Variants in RPRD1A observed in about 807,000 individuals in gnomAD.
RPRD1A encodes regulation of nuclear pre-mRNA domain containing 1A.
In RPRD1A, 9 loss-of-function variants were observed where a neutral mutation model predicts 37.8. That is an observed-to-expected ratio of 0.24 (90% CI 0.14 to 0.42). The LOEUF (loss-of-function observed/expected upper bound fraction) is 0.42, where lower values mean the gene tolerates loss of function less well. RPRD1A is among the 10% of genes least tolerant of loss of function. The pLI, the probability that RPRD1A is intolerant of heterozygous loss-of-function variation, is 1.00. For missense variants in RPRD1A, 255 were observed against 371.0 expected (o/e 0.69, Z 2.57); for synonymous variants, 138 against 139.7 (o/e 0.99, Z 0.08).
chr18:36,005,599 C>T (rs1044623187), intron 6 of RPRD1A, among the ~76,000 whole-genome samples: 3 of 152,214 alleles, frequency 2.0e-5, no homozygotes, highest in South Asian at 2.1e-4. Flanking sequence ...GACAGAAATA[C>T]GGAAAAAGTT....
At chr18:36,065,178 A>G (rs1214524972) in intron 1 of RPRD1A, among the ~76,000 whole-genome samples, 3 of 152,346 alleles carry the variant, frequency 2.0e-5, no homozygotes, top group Non-Finnish European at 2.9e-5. Context: ...TGGACACACT[A>G]TGACAACCAC....
intron 6 of RPRD1A, among the ~76,000 whole-genome samples, chr18:36,002,386 C>T (rs535619830): frequency 2.0e-5 from 3 of 152,208 alleles, no homozygotes; most frequent in Admixed American, 6.5e-5. Context: ...CTTGGCAGTG[C>T]CCAGTCTGCT....
chr18:36,062,460 C>T (rs1262563591), intron 1 of RPRD1A, among the ~76,000 whole-genome samples: 1 of 150,790 alleles, frequency 6.6e-6, no homozygotes, highest in Non-Finnish European at 1.5e-5. Context: ...GAAAACATAT[C>T]CACAAAAAAA....
In RPRD1A at chr18:36,052,397, T is replaced by C. The variant is rs536253027; in HGVS notation, c.151+14857A>G. ...CAATAAAGGTAACTCCCTAAGTAAA[T>C]ATAAAAGCCAATATTGTTGTATTTT... On this transcript the variant is annotated intron_variant, in intron 1 of 6. Coordinates refer to ENST00000399022, the MANE Select transcript of RPRD1A (RefSeq NM_018170.5). Among the ~76,000 whole-genome samples, 37 of 151,962 alleles carry C rather than the reference T, an allele frequency of 2.4e-4. No individual in the cohort carries two copies. The South Asian group carries it at 7.1e-3, about 29-fold the overall frequency.
chr18:36,030,809 T>C lies in RPRD1A; in HGVS notation c.485A>G (p.Gln162Arg), dbSNP rs1911722593. Reference protein sequence around the residue: ...SSLGSPSEPPQTLDLVRALQD... With the variant: ...SSLGSPSEPPRTLDLVRALQD... ...CTTTTAACAGGGTAAAATTTCTACC[T>C]GTGGTGGTTCACTTGGAGATCCCAG... is the stretch of plus-strand genomic sequence containing the variant. Residue 162 changes from glutamine to arginine, a missense_variant and splice_region_variant, in exon 4 of 7, where the codon CAG (glutamine) becomes CGG (arginine). This residue lies in a region of RPRD1A where 211 missense variants were observed against 268.9 expected (regional missense o/e 0.78). Coordinates refer to ENST00000399022, the MANE Select transcript of RPRD1A (RefSeq NM_018170.5). 1 of 1,595,624 alleles carries C rather than the reference T, an allele frequency of 6.3e-7. No homozygotes were observed. The highest frequency in any genetic ancestry group is 1.3e-5 in the African/African-American group (1 of 74,432).
At chr18:36,009,943 A>C (rs953113515) in intron 6 of RPRD1A, among the ~76,000 whole-genome samples, 1 of 152,058 alleles carries the variant, frequency 6.6e-6, no homozygotes, top group African/African-American at 2.4e-5. Flanking sequence ...CCCCCATTTC[A>C]TTCCCGTCTC....
intron 4 of RPRD1A, chr18:36,028,133 TCTTA>T (rs1198558725): frequency 6.6e-6 from 1 of 152,110 alleles, no homozygotes; most frequent in Non-Finnish European, 1.5e-5. Flanking sequence ...CATCTTTCTT[TCTTA>T]ATTTCTAATA....
At chr18:36,047,595 G>A (rs889857588) in intron 1 of RPRD1A, among the ~76,000 whole-genome samples, 4 of 152,062 alleles carry the variant, frequency 2.6e-5, no homozygotes, top group African/African-American at 7.2e-5. Context: ...GAATGACAAA[G>A]AAACAAGAGG....
intron 6 of RPRD1A, among the ~76,000 whole-genome samples, chr18:35,996,428 C>T (rs548589902): frequency 2.6e-5 from 4 of 152,212 alleles, no homozygotes; most frequent in East Asian, 1.9e-4. Flanking sequence ...GAAGATAACA[C>T]GCTGGTTTCC....
At chr18:36,026,788 A>G in intron 6 of RPRD1A, 112 bp downstream of exon 6, 1 of 889,060 alleles carries the variant, frequency 1.1e-6, no homozygotes, top group Non-Finnish European at 1.6e-6. Flanking sequence ...CTACTGCTTA[A>G]AAAGGTCTAT....
At chr18:36,061,721 A>G in intron 1 of RPRD1A, among the ~76,000 whole-genome samples, 1 of 152,252 alleles carries the variant, frequency 6.6e-6, no homozygotes. Flanking sequence ...CACTGAATGG[A>G]AGAAAATATT....
rs1270118498 is a variant in RPRD1A, at chr18:35,993,059, TCAA to T, written c.*89_*91del. On this transcript the variant is annotated 3_prime_UTR_variant, in exon 7 of 7. Coordinates refer to ENST00000399022, the MANE Select transcript of RPRD1A (RefSeq NM_018170.5). ...TGTTCCTTTTGTTAGTGTTTCTTTC[TCAA>T]CAATATACAAAAATAACACTACAGG... 2.7e-6 allele frequency: 3 copies of T among 1,099,252 alleles called. No individual in the cohort carries two copies. The highest frequency in any genetic ancestry group is 2.7e-5 in the East Asian group (1 of 36,992). 68.1% of individuals were successfully genotyped at this position (1,099,252 alleles called of 1,614,324 possible). A position where few individuals can be genotyped will look rare whatever the true frequency, so the allele number is the denominator to read the frequency against.
rs1455000135 is a variant in RPRD1A at position 35,991,537 on chromosome 18, T to A, written c.*1614A>T. On this transcript the variant is annotated 3_prime_UTR_variant, in exon 7 of 7. Transcript: ENST00000399022. ...ACATTCATGGTTAGGTGGATTCAGT[T>A]CCCAGGTGAGCTATCAGCGGTAGTG... is the stretch of plus-strand genomic sequence containing the variant. 1.3e-5 allele frequency: 2 copies of A among 152,198 alleles called. No individual in the cohort carries two copies. Among genetic ancestry groups the A allele is most frequent in the African/African-American group, 2.4e-5 (1 of 41,428 alleles). 9.4% of individuals were successfully genotyped at this position (152,198 alleles called of 1,614,324 possible).
At chr18:35,998,282 T>C (rs1054414195) in intron 6 of RPRD1A, among the ~76,000 whole-genome samples, 2 of 152,020 alleles carry the variant, frequency 1.3e-5, no homozygotes, top group Admixed American at 1.3e-4. Flanking sequence ...AACTTGAACC[T>C]GGGACAGAGG....
chr18:36,052,115 C>T (rs976358069), intron 1 of RPRD1A, among the ~76,000 whole-genome samples: 5 of 148,672 alleles, frequency 3.4e-5, no homozygotes, highest in Non-Finnish European at 4.4e-5. Flanking sequence ...TCAGAAACCA[C>T]GAGACCAGAA....
rs562713196 is a variant in RPRD1A at position 36,033,217 on chromosome 18, G to A, written c.281+491C>T. On this transcript the variant is annotated intron_variant, in intron 2 of 6. Transcript: ENST00000399022. The stretch of plus-strand genomic sequence containing the variant: ...CTTGCGAGGCTGAAGTAGGAGAATC[G>A]CTTGAACCCAAGCGGCAGAGGTTGC... 1.7e-4 allele frequency among the ~76,000 whole-genome samples: 25 copies of A among 145,458 alleles called. 1 individual carries two copies. The South Asian group carries it at 3.6e-3, about 21-fold the overall frequency.
At position 36,062,189 on chromosome 18, in the gene RPRD1A, C is replaced by T. The variant is rs1056706510; in HGVS notation, c.151+5065G>A. Among the ~76,000 whole-genome samples the T allele has an allele frequency of 2.0e-5, 3 of 151,244 alleles. No individual in the cohort carries two copies. In the East Asian group the frequency reaches 5.8e-4, roughly 29 times the overall value. On this transcript the variant is annotated intron_variant, in intron 1 of 6. Transcript: ENST00000399022. The stretch of plus-strand genomic sequence containing the variant: ...AAAATTAGCCGGGCGCGGTGGCGGG[C>T]GCCTGTAGTCCCAGCTACTCCGGAG...
At chr18:36,033,284 A>C (rs892539949) in intron 2 of RPRD1A, among the ~76,000 whole-genome samples, 9 of 117,632 alleles carry the variant, frequency 7.7e-5, no homozygotes, top group Non-Finnish European at 1.1e-4. Flanking sequence ...CCTGGGTGAG[A>C]GTGAGACTCT....
chr18:36,035,259 T>G (rs376415491), intron 1 of RPRD1A, among the ~76,000 whole-genome samples: 2 of 152,354 alleles, frequency 1.3e-5, no homozygotes, highest in East Asian at 1.9e-4. Context: ...AACTCAAATT[T>G]GTATTATCTA....
Sources: gnomAD v4.1 joint callset for allele counts (sites outside exome capture counted in the v4.1 genomes callset) on GRCh38, gnomAD v4.1.1 for gene constraint, gnomAD v4.1.1 regional missense constraint, MANE v1.5 for transcripts, NCBI Gene and HGNC (gene_info 2026-07-23, HGNC 2026-07-21) for gene names.